PTPRD: variants seen among roughly 807,000 people sequenced by gnomAD.
PTPRD encodes receptor-type tyrosine-protein phosphatase delta.
A neutral mutation model predicts 214.5 loss-of-function variants in PTPRD; 34 were observed. That is an observed-to-expected ratio of 0.16 (90% CI 0.12 to 0.21). The LOEUF (loss-of-function observed/expected upper bound fraction) is 0.21, where lower values mean the gene tolerates loss of function less well. Among genes scored for constraint, PTPRD ranks in the 10% least tolerant of loss-of-function variants. The pLI, the probability that PTPRD is intolerant of heterozygous loss-of-function variation, is 1.00. For missense variants in PTPRD, 2,545 were observed against 2,398.7 expected (o/e 1.06, Z -1.27); for synonymous variants, 1,128 against 845.7 (o/e 1.33, Z -5.79).
chr9:10,295,423 T>C (rs1453756392), intron 3 of PTPRD, among the ~76,000 whole-genome samples: 1 of 152,058 alleles, frequency 6.6e-6, no homozygotes, highest in Non-Finnish European at 1.5e-5. Context: ...CCATCATTGT[T>C]AGAGAAGTAG....
chr9:10,082,176 T>C (rs1327757038), intron 3 of PTPRD, among the ~76,000 whole-genome samples: 1 of 152,132 alleles, frequency 6.6e-6, no homozygotes, highest in African/African-American at 2.4e-5. Flanking sequence ...ACAAATCTAC[T>C]TTCCTGGAAT....
chr9:8,387,343 G>T (rs931726847), intron 37 of PTPRD, among the ~76,000 whole-genome samples: 1 of 152,194 alleles, frequency 6.6e-6, no homozygotes, highest in African/African-American at 2.4e-5. Flanking sequence ...TGTTGCAGTG[G>T]CAGTGGGGCC....
At chr9:10,544,091 T>C (rs568921241) in intron 2 of PTPRD, among the ~76,000 whole-genome samples, 2 of 152,276 alleles carry the variant, frequency 1.3e-5, no homozygotes, top group African/African-American at 2.4e-5. Flanking sequence ...AGAACTATAG[T>C]TTATAAGGAA....
intron 8 of PTPRD, among the ~76,000 whole-genome samples, chr9:9,463,662 G>C (rs1332162064): frequency 2.6e-5 from 4 of 151,878 alleles, no homozygotes; most frequent in Non-Finnish European, 5.9e-5. Context: ...TTTACATTCA[G>C]AGGGTACATA....
intron 8 of PTPRD, among the ~76,000 whole-genome samples, chr9:9,530,317 T>C (rs572831876): frequency 6.6e-6 from 1 of 152,244 alleles, no homozygotes; most frequent in Admixed American, 6.5e-5. Context: ...ATTACAATGA[T>C]ATTGCAGAAA....
chr9:9,554,650 G>C (rs1309271498), intron 8 of PTPRD, among the ~76,000 whole-genome samples: 2 of 151,924 alleles, frequency 1.3e-5, no homozygotes, highest in Non-Finnish European at 2.9e-5. Flanking sequence ...GAACACTTGA[G>C]GCTTGACTCA....
intron 3 of PTPRD, among the ~76,000 whole-genome samples, chr9:10,213,010 T>C (rs1179983528): frequency 6.6e-6 from 1 of 152,162 alleles, no homozygotes; most frequent in Admixed American, 6.6e-5. Flanking sequence ...TACCCTTGTA[T>C]CATTGTTTGG....
chr9:10,163,397 C>G (rs978537643), intron 3 of PTPRD, among the ~76,000 whole-genome samples: 1 of 151,318 alleles, frequency 6.6e-6, no homozygotes, highest in Non-Finnish European at 1.5e-5. Context: ...ACTGTTATAA[C>G]ATTTTAAAAT....
intron 11 of PTPRD, among the ~76,000 whole-genome samples, chr9:8,783,876 A>G (rs566424560): frequency 1.3e-5 from 2 of 152,184 alleles, no homozygotes; most frequent in South Asian, 4.1e-4. Context: ...GCATCGAGAC[A>G]CTCAATATTT....
chr9:9,688,045 T>G (rs1382472721), intron 7 of PTPRD, among the ~76,000 whole-genome samples: 1 of 151,818 alleles, frequency 6.6e-6, no homozygotes. Context: ...CTCTTTCCTT[T>G]CTTTCTCCTG....
intron 35 of PTPRD, among the ~76,000 whole-genome samples, chr9:8,435,593 T>C (rs552635923): frequency 2.6e-4 from 40 of 152,288 alleles, no homozygotes; most frequent in Admixed American, 2.0e-3. Flanking sequence ...TATCGTCCAG[T>C]TATCAACAAT....
At chr9:9,597,014 G>C (rs531388012) in intron 7 of PTPRD, among the ~76,000 whole-genome samples, 3 of 151,964 alleles carry the variant, frequency 2.0e-5, no homozygotes, top group Non-Finnish European at 4.4e-5. Context: ...TAAGTAATTG[G>C]CATGAGTGGA....
At chr9:8,831,556 AAG>A (rs2097292487) in intron 11 of PTPRD, among the ~76,000 whole-genome samples, 3 of 152,276 alleles carry the variant, frequency 2.0e-5, no homozygotes, top group South Asian at 4.1e-4. Context: ...TTCAAATAGA[AAG>A]AGAAACAACT....
chr9:9,834,693 G>A (rs911063297), intron 5 of PTPRD, among the ~76,000 whole-genome samples: 1 of 151,994 alleles, frequency 6.6e-6, no homozygotes, highest in African/African-American at 2.4e-5. Flanking sequence ...ATATCTCTAG[G>A]AAGGGTAAAA....
intron 2 of PTPRD, among the ~76,000 whole-genome samples, chr9:10,474,168 CAA>C (rs2099048235): frequency 6.6e-6 from 1 of 151,890 alleles, no homozygotes; most frequent in Admixed American, 6.6e-5. Flanking sequence ...GCTAAATGCC[CAA>C]TTAAAAGACA....
At chr9:10,012,363 A>G (rs549796488) in intron 4 of PTPRD, among the ~76,000 whole-genome samples, 1 of 151,360 alleles carries the variant, frequency 6.6e-6, no homozygotes, top group Non-Finnish European at 1.5e-5. Flanking sequence ...AAGCAGATGG[A>G]AAAAAAAATC....
At chr9:9,801,677 T>C (rs930690156) in intron 5 of PTPRD, among the ~76,000 whole-genome samples, 4 of 152,074 alleles carry the variant, frequency 2.6e-5, no homozygotes, top group African/African-American at 4.8e-5. Context: ...TTTGAGTTTA[T>C]AGGGTAATAA....
intron 11 of PTPRD, among the ~76,000 whole-genome samples, chr9:8,743,847 G>A (rs1318699462): frequency 1.3e-5 from 2 of 150,084 alleles, no homozygotes; most frequent in Non-Finnish European, 3.0e-5. Flanking sequence ...AGAGTTAACA[G>A]ACAACCTACA....
intron 9 of PTPRD, among the ~76,000 whole-genome samples, chr9:9,280,732 C>T (rs1372020062): frequency 6.6e-6 from 1 of 151,196 alleles, no homozygotes; most frequent in African/African-American, 2.4e-5. Flanking sequence ...TTAATACAAT[C>T]CTAATAAAAA....
Sources: allele counts gnomAD v4.1 joint callset (sites outside exome capture counted in the v4.1 genomes callset), GRCh38; gene constraint gnomAD v4.1.1; transcripts MANE v1.5; gene names NCBI Gene and HGNC (gene_info 2026-07-23, HGNC 2026-07-21).